KAZN: variants seen among roughly 807,000 people sequenced by gnomAD.
The protein encoded by KAZN is kazrin.
Under a neutral mutation model 87.4 loss-of-function variants are expected in KAZN, and 40 were observed. That is an observed-to-expected ratio of 0.46 (90% CI 0.36 to 0.60). The LOEUF is 0.60. KAZN is among the 20% of genes least tolerant of loss of function. The probability of loss-of-function intolerance (pLI) is 0.00; values close to 1 mark genes in which losing one functional copy is unlikely to be tolerated. For missense variants in KAZN, 898 were observed against 1,073.9 expected (o/e 0.84, Z 2.29); for synonymous variants, 466 against 458.3 (o/e 1.02, Z -0.22).
intron 2 of KAZN, among the ~76,000 whole-genome samples, chr1:14,518,617 CT>C (rs1481713952): frequency 3.9e-5 from 6 of 152,216 alleles, no homozygotes; most frequent in Non-Finnish European, 5.9e-5. Context: ...TGAATACAGC[CT>C]TCCCATTGCT....
At chr1:14,448,421 C>T (rs1437106400) in intron 2 of KAZN, among the ~76,000 whole-genome samples, 2 of 152,214 alleles carry the variant, frequency 1.3e-5, no homozygotes, top group Non-Finnish European at 2.9e-5. Flanking sequence ...TCTGTGCTAA[C>T]CAACAGATAA....
At chr1:14,554,170 G>A (rs989900129) in intron 2 of KAZN, among the ~76,000 whole-genome samples, 1 of 152,088 alleles carries the variant, frequency 6.6e-6, no homozygotes, top group Non-Finnish European at 1.5e-5. Flanking sequence ...TTCTCAGGGG[G>A]AATAAACATG....
intron 1 of KAZN, among the ~76,000 whole-genome samples, chr1:14,818,970 G>A (rs1449713068): frequency 1.3e-5 from 2 of 152,122 alleles, no homozygotes; most frequent in East Asian, 1.9e-4. Context: ...CAGGACAATC[G>A]CTTGAATCTG....
chr1:14,041,863 T>C (rs1024124276), intron 1 of KAZN, among the ~76,000 whole-genome samples: 4 of 152,214 alleles, frequency 2.6e-5, no homozygotes, highest in African/African-American at 7.2e-5. Flanking sequence ...GGGTATAGAA[T>C]CTTTCTCTTA....
chr1:14,533,859 C>T (rs1672340128), intron 2 of KAZN, among the ~76,000 whole-genome samples: 3 of 152,158 alleles, frequency 2.0e-5, no homozygotes, highest in South Asian at 2.1e-4. Flanking sequence ...ATTCTTTGAC[C>T]TGTCTGCTCA....
At position 14,599,496 on chromosome 1, in the gene KAZN, C is replaced by T. The variant is rs533324776; in HGVS notation, c.226+273C>T. ...CGAGGCGCAGCCGGCGGGTCCCTTC[C>T]GGCATCAGAAAGTGCCCTTTCCGTG... On this transcript the variant is annotated intron_variant, in intron 1 of 14. Coordinates refer to ENST00000376030, the MANE Select transcript of KAZN (RefSeq NM_201628.3). This position sits in a 1 kb window ranked among gnomAD's most constrained non-coding sequence, Gnocchi z 4.4. 1.3e-5 allele frequency among the ~76,000 whole-genome samples: 2 copies of T among 152,192 alleles called. No individual in the cohort carries two copies. The highest frequency in any genetic ancestry group is 4.8e-5 in the African/African-American group (2 of 41,462).
chr1:14,237,093 C>G (rs1488594683), intron 2 of KAZN, among the ~76,000 whole-genome samples: 1 of 152,142 alleles, frequency 6.6e-6, no homozygotes, highest in African/African-American at 2.4e-5. Flanking sequence ...CAACATTGTC[C>G]TCACTAGTTA....
intron 2 of KAZN, among the ~76,000 whole-genome samples, chr1:14,975,649 C>T (rs1438465746): frequency 6.6e-6 from 1 of 152,154 alleles, no homozygotes; most frequent in African/African-American, 2.4e-5. Context: ...CACAGATTTC[C>T]TCCCAGCAGC....
chr1:14,698,370 C>A (rs1475743912), intron 1 of KAZN, among the ~76,000 whole-genome samples: 1 of 152,182 alleles, frequency 6.6e-6, no homozygotes. Flanking sequence ...CATCTGTGCA[C>A]CCAGACATCT....
chr1:14,566,172 T>A (rs12133265), intron 2 of KAZN, among the ~76,000 whole-genome samples: 4,586 of 152,308 alleles, frequency 0.03, 93 homozygotes, highest in Non-Finnish European at 0.047. Flanking sequence ...TACTCTTTGA[T>A]CCACAAGCTG....
At chr1:15,100,532 C>T (rs552861503) in intron 10 of KAZN, among the ~76,000 whole-genome samples, 2 of 152,326 alleles carry the variant, frequency 1.3e-5, no homozygotes, top group South Asian at 4.1e-4. Context: ...GATCCTCGTT[C>T]CTTCTGCAAG....
At chr1:15,034,430 G>T (rs544417221) in intron 2 of KAZN, among the ~76,000 whole-genome samples, 1 of 152,208 alleles carries the variant, frequency 6.6e-6, no homozygotes, top group South Asian at 2.1e-4. Context: ...GGCCCCTGGA[G>T]CCCACCAGGC....
intron 4 of KAZN, among the ~76,000 whole-genome samples, chr1:15,047,262 G>A (rs1260674355): frequency 6.6e-6 from 1 of 152,190 alleles, no homozygotes; most frequent in East Asian, 1.9e-4. Context: ...TGCCCGCCAT[G>A]CCTAAAGTTT....
chr1:14,239,123 A>T (rs1648690694), intron 2 of KAZN, among the ~76,000 whole-genome samples: 1 of 152,200 alleles, frequency 6.6e-6, no homozygotes, highest in South Asian at 2.1e-4. Flanking sequence ...AAGAAAGATT[A>T]CGTAAGCCAA....
chr1:14,819,322 G>C (rs1483230770), intron 1 of KAZN, among the ~76,000 whole-genome samples: 1 of 152,174 alleles, frequency 6.6e-6, no homozygotes, highest in Admixed American at 6.5e-5. Context: ...GTTAATTTAC[G>C]TGTCAGCTTG....
intron 1 of KAZN, among the ~76,000 whole-genome samples, chr1:14,123,965 C>A (rs1490570744): frequency 6.6e-6 from 1 of 152,156 alleles, no homozygotes; most frequent in Non-Finnish European, 1.5e-5. Flanking sequence ...GTGTGGCTGG[C>A]CCCTCGGAGG....
At chr1:14,710,987 C>T (rs1051774406) in intron 1 of KAZN, among the ~76,000 whole-genome samples, 2 of 152,000 alleles carry the variant, frequency 1.3e-5, no homozygotes, top group African/African-American at 4.8e-5. Flanking sequence ...AGTTCAAGAC[C>T]AGCCTGGGCA....
chr1:14,598,839 C>T lies in KAZN; in HGVS notation c.-159C>T, dbSNP rs1676699943. On this transcript the variant is annotated 5_prime_UTR_variant, in exon 1 of 15. Coordinates refer to ENST00000376030, the MANE Select transcript of KAZN (RefSeq NM_201628.3). The surrounding 1 kb of genome is among the most constrained non-coding windows in gnomAD (Gnocchi z 4.2). ...TGGAGGCGCCGCTGTCATTCCTGTGCCGGAGGAACCGGCGCTGCCGGTGCC... is the reference window on the plus strand; with the variant it reads ...TGGAGGCGCCGCTGTCATTCCTGTGTCGGAGGAACCGGCGCTGCCGGTGCC... 7 of 1,395,012 alleles carry T rather than the reference C, an allele frequency of 5.0e-6. No individual in the cohort carries two copies. The highest frequency in any genetic ancestry group is 6.5e-6 in the Non-Finnish European group (7 of 1,080,426). The allele number at this position is 1,395,012 out of a possible 1,614,324, so 86.4% of individuals were successfully genotyped here.
intron 2 of KAZN, among the ~76,000 whole-genome samples, chr1:14,275,805 A>G (rs1372095161): frequency 6.6e-6 from 1 of 152,186 alleles, no homozygotes; most frequent in Non-Finnish European, 1.5e-5. Context: ...GTCTCTAGAA[A>G]AGTGCTTTCC....
Sources: gnomAD v4.1 joint callset for allele counts (sites outside exome capture counted in the v4.1 genomes callset) on GRCh38, gnomAD v4.1.1 for gene constraint, Gnocchi (gnomAD v3.1) non-coding constraint, MANE v1.5 for transcripts, NCBI Gene and HGNC (gene_info 2026-07-23, HGNC 2026-07-21) for gene names.